Variants in SMG1 observed in about 807,000 individuals in gnomAD.
SMG1 encodes the protein SMG1 nonsense mediated mRNA decay associated PI3K related kinase, also known as serine/threonine-protein kinase SMG1.
In SMG1, 22 loss-of-function variants were observed where a neutral mutation model predicts 419.9. The observed-to-expected ratio is 0.05, with a 90% CI of 0.04 to 0.07. The LOEUF is 0.07. Ranked by LOEUF, SMG1 falls within the 10% of genes least tolerant of loss-of-function variation. The pLI is 1.00. For missense variants in SMG1, 3,185 were observed against 4,342.0 expected, an observed-to-expected ratio of 0.73 and a Z score of 7.49; for synonymous variants, 1,538 against 1,553.5, an observed-to-expected ratio of 0.99 and a Z score of 0.23.
intron 4 of SMG1, 100 bp downstream of exon 4, chr16:18,892,118 T>A (rs140824954): frequency 1.2e-6 from 1 of 854,180 alleles, no homozygotes; most frequent in African/African-American, 1.7e-5. Flanking sequence ...TCGATCATCA[T>A]AATACAGACT....
At chr16:18,841,448 C>A in intron 41 of SMG1, 117 bp downstream of exon 41, 1 of 808,512 alleles carries the variant, frequency 1.2e-6, no homozygotes, top group Non-Finnish European at 2.0e-6. Flanking sequence ...CTAGGGACCT[C>A]AAGTCTTTTC....
At position 18,925,991 on chromosome 16, in the gene SMG1, G is replaced by A. The variant is rs756305316; in HGVS notation, c.51C>T (p.Gly17=). 1.9e-6 allele frequency: 3 copies of A among 1,573,370 alleles called. No individual in the cohort carries two copies. Among genetic ancestry groups the A allele is most frequent in the Non-Finnish European group, 2.6e-6 (3 of 1,166,330 alleles). ...TCCAGCTCCGCGGATACTTGGTGCC[G>A]CCGCCGCCGCCGCCGCTGCTCAGCC... is the stretch of plus-strand genomic sequence containing the variant. ...GSRLSSGGGG[G]GTKYPRSWND... Residue 17 remains glycine, a synonymous_variant, in exon 1 of 63, where the codon GGC becomes GGT. Transcript: ENST00000446231.
At chr16:18,847,765 T>A in intron 37 of SMG1, 51 bp downstream of exon 37, 1 of 1,593,172 alleles carries the variant, frequency 6.3e-7, no homozygotes, top group Non-Finnish European at 8.6e-7. Context: ...GCAAAAGCAA[T>A]TTTTATTATT....
chr16:18,876,503 G>C (rs1033370951), intron 12 of SMG1, 110 bp from the exon 13 acceptor site: 3 of 1,362,784 alleles, frequency 2.2e-6, no homozygotes, highest in African/African-American at 2.9e-5. Context: ...ATAAATTTAA[G>C]ATCGATCAAT....
At chr16:18,925,841 C>A (rs2038378247) in intron 1 of SMG1, 109 bp downstream of exon 1, 1 of 824,356 alleles carries the variant, frequency 1.2e-6, no homozygotes, top group East Asian at 3.4e-5. Context: ...CGCCCGGCTC[C>A]GAGGGGTGGA....
chr16:18,875,978 T>A (rs1328086889), intron 13 of SMG1, 146 bp downstream of exon 13: 5 of 812,098 alleles, frequency 6.2e-6, no homozygotes, highest in Non-Finnish European at 9.8e-6. Flanking sequence ...CTACCAATTT[T>A]ATTTATCCAG....
chr16:18,908,889 A>G (rs1471445045), intron 1 of SMG1, among the ~76,000 whole-genome samples: 26 of 152,140 alleles, frequency 1.7e-4, no homozygotes, highest in Non-Finnish European at 1.5e-5. Flanking sequence ...CAAAAAAAAA[A>G]AAAAGAAATG....
chr16:18,890,846 C>T lies in SMG1; in HGVS notation c.608+17G>A, dbSNP rs543421101. The T allele has an allele frequency of 1.4e-6, 2 of 1,480,498 alleles. No homozygotes were observed. The highest frequency in any genetic ancestry group is 2.3e-5 in the East Asian group (1 of 44,150). 91.7% of individuals were successfully genotyped at this position (1,480,498 alleles called of 1,614,324 possible). The stretch of plus-strand genomic sequence containing the variant: ...TATTTTAAAGTCATTTAAACTGAAC[C>T]ATTATTAGTTACTTACCTTTCATTA... On this transcript the variant is annotated intron_variant, in intron 5 of 62. Transcript: ENST00000446231.
In SMG1 at chr16:18,849,934, T is replaced by G. The variant is rs936151956; in HGVS notation, c.5461+15A>C. The G allele has an allele frequency of 1.2e-6, 2 of 1,601,960 alleles. No homozygotes were observed. Among genetic ancestry groups the G allele is most frequent in the African/African-American group, 2.7e-5 (2 of 74,340 alleles). On this transcript the variant is annotated intron_variant, in intron 35 of 62. Transcript: ENST00000446231. The stretch of plus-strand genomic sequence containing the variant: ...GAGAAACTATTTTTCCTGAAACATT[T>G]TATGCAGGTCTCACCTCTCCATGGT...
intron 39 of SMG1, among the ~76,000 whole-genome samples, chr16:18,843,377 T>C (rs2034036304): frequency 6.6e-6 from 1 of 152,222 alleles, no homozygotes; most frequent in Admixed American, 6.5e-5. Context: ...AGAAAAGCCC[T>C]ATAATACTTT....
chr16:18,888,450 T>C (rs2141782100), intron 6 of SMG1, among the ~76,000 whole-genome samples: 1 of 148,950 alleles, frequency 6.7e-6, no homozygotes, highest in South Asian at 2.1e-4. Flanking sequence ...CAAAAAAACA[T>C]TTCTAAAAAC....
Position 18,841,586 on chromosome 16 carries a change from T to C in SMG1, c.6675A>G (p.Glu2225=), listed in dbSNP as rs1341468334. 7 of 1,613,994 alleles carry C rather than the reference T, an allele frequency of 4.3e-6. No homozygotes were observed. The South Asian group carries it at 7.7e-5, about 18-fold the overall frequency. ...CAACCTTTTGTGCTTGTAAGGCAGCTTCCCGTTGTTGCCATCGTTTGTAAA... is the reference window on the plus strand; with the variant it reads ...CAACCTTTTGTGCTTGTAAGGCAGCCTCCCGTTGTTGCCATCGTTTGTAAA... ...FGLYKRWQQR[E]AALQAQKAQD... Residue 2225 remains glutamate, a synonymous_variant, in exon 41 of 63, where the codon GAA becomes GAG. Transcript: ENST00000446231.
chr16:18,918,267 A>G (rs564157756), intron 1 of SMG1, among the ~76,000 whole-genome samples: 2 of 152,198 alleles, frequency 1.3e-5, no homozygotes, highest in East Asian at 3.9e-4. Flanking sequence ...TCCGTCTCCA[A>G]AAACAAACAA....
chr16:18,815,107 A>G (rs2031877409), intron 60 of SMG1, 68 bp downstream of exon 60: 7 of 970,246 alleles, frequency 7.2e-6, no homozygotes, highest in Admixed American at 2.2e-5. Flanking sequence ...ACAGTTATGT[A>G]TAATTAAACA....
intron 1 of SMG1, among the ~76,000 whole-genome samples, chr16:18,899,273 G>T (rs1037919819): frequency 7.2e-5 from 11 of 151,896 alleles, no homozygotes; most frequent in African/African-American, 2.2e-4. Flanking sequence ...GTAAAACCAG[G>T]AGCCGCTTCC....
At chr16:18,856,820 T>C (rs979243571) in intron 29 of SMG1, 1 of 129,354 alleles carries the variant, frequency 7.7e-6, no homozygotes, top group Non-Finnish European at 1.6e-5. Context: ...AATAAAGAAA[T>C]AAAAATGAAG....
intron 29 of SMG1, chr16:18,856,992 A>G (rs1005335786): frequency 3.3e-5 from 5 of 152,136 alleles, no homozygotes; most frequent in Admixed American, 3.3e-4. Context: ...TAATCCTTAC[A>G]AGTATCTCAA....
intron 25 of SMG1, among the ~76,000 whole-genome samples, chr16:18,862,012 T>C (rs1478923336): frequency 1.3e-5 from 2 of 152,042 alleles, no homozygotes; most frequent in Non-Finnish European, 2.9e-5. Flanking sequence ...TCTCCAACAT[T>C]TAAAATAAAC....
rs1256226006 is a variant in SMG1 at position 18,835,947 on chromosome 16, T to C, written c.8043A>G (p.Gln2681=). ...LICNTTVERC[Q]ELYRKYEMQY... ...TATCAACTTACTTCCTATAGAGCTC[T>C]TGACAACGCTCTACTGTGGTGTTAC... The change falls in exon 48 of 63, where the codon CAA becomes CAG. Residue 2681 remains glutamine, a synonymous_variant. Coordinates refer to ENST00000446231, the MANE Select transcript of SMG1 (RefSeq NM_015092.5). The C allele has an allele frequency of 1.2e-5, 18 of 1,552,536 alleles. No homozygotes were observed. Among genetic ancestry groups the C allele is most frequent in the Non-Finnish European group, 1.5e-5 (17 of 1,147,220 alleles).
Sources: allele counts gnomAD v4.1 joint callset (sites outside exome capture counted in the v4.1 genomes callset), GRCh38; gene constraint gnomAD v4.1.1; transcripts MANE v1.5; gene names NCBI Gene and HGNC (gene_info 2026-07-23, HGNC 2026-07-21).